The following CARMIL3 variants were observed in gnomAD, a reference collection of about 807,000 sequenced individuals.
CARMIL3 encodes the protein capping protein, Arp2/3 and myosin-I linker protein 3.
A neutral mutation model predicts 180.8 loss-of-function variants in CARMIL3; 88 were observed. The ratio of observed to expected loss-of-function variants is 0.49; its 90% CI spans 0.41 to 0.58. The LOEUF is 0.58. Among genes scored for constraint, CARMIL3 ranks in the 20% least tolerant of loss-of-function variants. The probability of loss-of-function intolerance (pLI) is 0.00; values close to 1 mark genes in which losing one functional copy is unlikely to be tolerated. For missense variants in CARMIL3, 1,548 were observed against 1,787.0 expected, an observed-to-expected ratio of 0.87 and a Z score of 2.41; for synonymous variants, 696 against 714.5, an observed-to-expected ratio of 0.97 and a Z score of 0.41.
rs1268927486 is a variant in CARMIL3, at chr14:24,054,326, A to C, written c.246+25A>C. On this transcript the variant is annotated intron_variant, in intron 4 of 39. Coordinates refer to ENST00000342740, the MANE Select transcript of CARMIL3 (RefSeq NM_138360.4). The surrounding 1 kb of genome is among the most constrained non-coding windows in gnomAD (Gnocchi z 5.1). ...GGTGAGTACCAGGGCTTTGGGCCCC[A>C]CTACTGGGCCAGCTGGAGGAGGGAG... 1.2e-6 allele frequency: 2 copies of C among 1,614,076 alleles called. No individual in the cohort carries two copies. The highest frequency in any genetic ancestry group is 4.5e-5 in the East Asian group (2 of 44,868).
At chr14:24,057,446 T>C (rs971430989) in intron 14 of CARMIL3, among the ~76,000 whole-genome samples, 11 of 152,184 alleles carry the variant, frequency 7.2e-5, no homozygotes, top group African/African-American at 2.7e-4. Flanking sequence ...TTGCTGTGCT[T>C]AAAAGCCAGC....
Position 24,060,063 on chromosome 14 carries a change from G to T in CARMIL3, c.1962G>T (p.Lys654Asn). 1 of 1,613,930 alleles carries T rather than the reference G, an allele frequency of 6.2e-7. No homozygotes were observed. The highest frequency in any genetic ancestry group is 1.6e-4 in the Middle Eastern group (1 of 6,062). Residue 654 changes from lysine (K) to asparagine (N), a missense_variant and splice_region_variant, in exon 23 of 40, where the codon AAG becomes AAT. By Grantham distance (94) the Lys-to-Asn change is moderately conservative (BLOSUM62 0). Around this residue, in one of 4 missense-constraint regions of CARMIL3, gnomAD observed 297 missense variants for 415.9 expected, o/e 0.71. Transcript: ENST00000342740. ...AGCGCACCGAGGACGTCTGGCAGAAGGTGCAGGGTGCTGTCCTAAGCAGGG... is the reference window on the plus strand; with the variant it reads ...AGCGCACCGAGGACGTCTGGCAGAATGTGCAGGGTGCTGTCCTAAGCAGGG... ...APERTEDVWQ[K>N]IQWCLVRNNH... is the part of the protein sequence containing the mutation.
Position 24,066,670 on chromosome 14 carries a change from CT to C in CARMIL3, c.3682+18del. ...CATGGCACATAGGTATGGAAAGCCTCTTTTCAGGCAGCAGTACTGAAAGCCC... is the reference window on the plus strand; with the variant it reads ...CATGGCACATAGGTATGGAAAGCCTCTTTCAGGCAGCAGTACTGAAAGCCC... On this transcript the variant is annotated intron_variant, in intron 36 of 39. Coordinates refer to ENST00000342740, the MANE Select transcript of CARMIL3 (RefSeq NM_138360.4). 1 of 1,613,054 alleles carries C rather than the reference CT, an allele frequency of 6.2e-7. No individual in the cohort carries two copies. Among genetic ancestry groups the C allele is most frequent in the African/African-American group, 1.3e-5 (1 of 75,050 alleles).
chr14:24,059,099 C>T lies in CARMIL3; in HGVS notation c.1572-36C>T. 1 of 1,586,332 alleles carries T rather than the reference C, an allele frequency of 6.3e-7. No homozygotes were observed. Among genetic ancestry groups the T allele is most frequent in the Non-Finnish European group, 8.6e-7 (1 of 1,166,480 alleles). ...CCTCCTCCAATAGCATGACCCCAGC[C>T]CTTCCCCTCCTACTCTGAGCCCCGC... is the stretch of plus-strand genomic sequence containing the variant. On this transcript the variant is annotated intron_variant, in intron 19 of 39. Coordinates refer to ENST00000342740, the MANE Select transcript of CARMIL3 (RefSeq NM_138360.4). The surrounding 1 kb of genome is among the most constrained non-coding windows in gnomAD (Gnocchi z 6.3).
Position 24,055,604 on chromosome 14 carries a change from A to C in CARMIL3, c.667A>C (p.Lys223Gln). 6.2e-7 allele frequency: 1 copy of C among 1,614,142 alleles called. No homozygotes were observed. Among genetic ancestry groups the C allele is most frequent in the South Asian group, 1.1e-5 (1 of 91,072 alleles). The part of the protein sequence containing the change: ...YNQWFTKLYC[K>Q]DLRLGSEVLE... ...CCAGTGGTTCACCAAACTCTACTGC[A>C]AGGACTTGCGGCTGGTAGGAACTGG... The change falls in exon 9 of 40, where the codon AAG becomes CAG. Residue 223 changes from lysine to glutamine, a missense_variant. Lys to Gln is a moderately conservative substitution (Grantham distance 53, BLOSUM62 1). This residue lies in a region of CARMIL3 where 578 missense variants were observed against 666.5 expected (regional missense o/e 0.87). Coordinates refer to ENST00000342740, the MANE Select transcript of CARMIL3 (RefSeq NM_138360.4).
chr14:24,060,591 C>T (rs1424827196), intron 24 of CARMIL3, 37 bp from the exon 25 acceptor site: 7 of 1,607,782 alleles, frequency 4.4e-6, no homozygotes, highest in Non-Finnish European at 5.9e-6. Flanking sequence ...GATGTGGAAG[C>T]AGGGGTCCCC....
Position 24,052,185 on chromosome 14 carries a change from A to G in CARMIL3, c.32A>G (p.Glu11Gly). 4.4e-6 allele frequency: 7 copies of G among 1,592,434 alleles called. No individual in the cohort carries two copies. Among genetic ancestry groups the G allele is most frequent in the Non-Finnish European group, 6.0e-6 (7 of 1,173,660 alleles). The stretch of plus-strand genomic sequence containing the variant: ...AAGCCCAGCGTGGAGCTCACCCGCG[A>G]GTTGCAAGGTACGAGGCTGCCTCGG... Reference protein sequence around the residue: MAKPSVELTRELQDSIRRCLS... With the variant: MAKPSVELTRGLQDSIRRCLS... Residue 11 changes from glutamate (E) to glycine (G), a missense_variant, in exon 1 of 40, where the codon GAG (glutamate) becomes GGG (glycine). By Grantham distance (98) the Glu-to-Gly change is moderately conservative (BLOSUM62 -2). Coordinates refer to ENST00000342740, the MANE Select transcript of CARMIL3 (RefSeq NM_138360.4).
chr14:24,062,778 T>G lies in CARMIL3; in HGVS notation c.2638T>G (p.Ser880Ala). The change falls in exon 29 of 40, where the codon TCC becomes GCC. Residue 880 changes from serine (S) to alanine (A), a missense_variant. Ser to Ala is a moderately conservative substitution (Grantham distance 99, BLOSUM62 1). Coordinates refer to ENST00000342740, the MANE Select transcript of CARMIL3 (RefSeq NM_138360.4). The part of the protein sequence containing the change: ...PGCPGQGQDL[S>A]SRGRGRNHDH... Reference sequence around the variant, plus strand: ...GTGCCCAGGCCAAGGGCAGGATCTGTCCTCCCGGGGCCGAGGCCGGAACCA... The same window carrying G: ...GTGCCCAGGCCAAGGGCAGGATCTGGCCTCCCGGGGCCGAGGCCGGAACCA... The G allele has an allele frequency of 1.9e-6, 3 of 1,613,898 alleles. No individual in the cohort carries two copies. Among genetic ancestry groups the G allele is most frequent in the Non-Finnish European group, 2.5e-6 (3 of 1,179,888 alleles).
chr14:24,052,345 T>G (rs1048124931), intron 1 of CARMIL3, 152 bp downstream of exon 1: 24 of 756,760 alleles, frequency 3.2e-5, no homozygotes, highest in Non-Finnish European at 4.8e-5. Flanking sequence ...AGTCCGGGCA[T>G]CGCTGTCCCC....
rs1333514158 is a variant in CARMIL3, at chr14:24,053,813, C to G, written c.135+10C>G. The G allele has an allele frequency of 8.1e-6, 13 of 1,606,498 alleles. No individual in the cohort carries two copies. Among genetic ancestry groups the G allele is most frequent in the South Asian group, 1.1e-5 (1 of 89,866 alleles). ...TGAGGACCGAGTGCTGGTGAGGGCA[C>G]TGGGCATGTGGGGAGGGAGGAGGTG... On this transcript the variant is annotated intron_variant, in intron 2 of 39. Transcript: ENST00000342740.
Position 24,069,654 on chromosome 14 carries a change from C to T in CARMIL3, c.*250C>T, listed in dbSNP as rs1161029886. ...CTGGGTGGGGGCTTATCTCCTCCCC[C>T]AGGAGGGTGGATCTCTGTCCCTCTA... On this transcript the variant is annotated 3_prime_UTR_variant, in exon 40 of 40. Coordinates refer to ENST00000342740, the MANE Select transcript of CARMIL3 (RefSeq NM_138360.4). The T allele has an allele frequency of 7.0e-6, 4 of 571,778 alleles. No individual in the cohort carries two copies. Among genetic ancestry groups the T allele is most frequent in the Non-Finnish European group, 3.1e-6 (1 of 320,540 alleles). 35.4% of individuals were successfully genotyped at this position (571,778 alleles called of 1,614,324 possible).
At position 24,059,945 on chromosome 14, in the gene CARMIL3, C is replaced by G. The variant is rs1347601802; in HGVS notation, c.1869-25C>G. The G allele has an allele frequency of 6.2e-7, 1 of 1,612,366 alleles. No individual in the cohort carries two copies. The highest frequency in any genetic ancestry group is 8.5e-7 in the Non-Finnish European group (1 of 1,178,728). ...GCCTCCCATCCTCACCTGTTCCCAC[C>G]CAGCTGTGCCCCTGTGTCCCACAGC... On this transcript the variant is annotated intron_variant, in intron 22 of 39. Transcript: ENST00000342740. This position sits in a 1 kb window ranked among gnomAD's most constrained non-coding sequence, Gnocchi z 6.3.
In CARMIL3 at chr14:24,059,223, C is replaced by T. The variant is rs768712791; in HGVS notation, c.1626+34C>T. The T allele has an allele frequency of 5.4e-5, 87 of 1,613,598 alleles. No individual in the cohort carries two copies. Among genetic ancestry groups the T allele is most frequent in the Non-Finnish European group, 6.8e-5 (80 of 1,179,938 alleles). On this transcript the variant is annotated intron_variant, in intron 20 of 39. Coordinates refer to ENST00000342740, the MANE Select transcript of CARMIL3 (RefSeq NM_138360.4). The surrounding 1 kb of genome is among the most constrained non-coding windows in gnomAD (Gnocchi z 6.3). ...CTGGGCCTGGGAGGGGACCTGCAGTCGGAGGAGGCTGTGGGGACTGGGTCC... is the reference window on the plus strand; with the variant it reads ...CTGGGCCTGGGAGGGGACCTGCAGTTGGAGGAGGCTGTGGGGACTGGGTCC...
Position 24,057,946 on chromosome 14 carries a change from G to A in CARMIL3, c.1218-14G>A. The A allele has an allele frequency of 6.2e-7, 1 of 1,613,384 alleles. No individual in the cohort carries two copies. The highest frequency in any genetic ancestry group is 1.1e-5 in the South Asian group (1 of 91,060). ...CAACCCCCTCCCTCGCTGACCCCAGGGGTCTCTCCACAGGAAGGGTCGAGA... is the reference window on the plus strand; with the variant it reads ...CAACCCCCTCCCTCGCTGACCCCAGAGGTCTCTCCACAGGAAGGGTCGAGA... On this transcript the variant is annotated splice_polypyrimidine_tract_variant and intron_variant, in intron 15 of 39. Transcript: ENST00000342740.
intron 34 of CARMIL3, among the ~76,000 whole-genome samples, chr14:24,066,049 C>T (rs2035783873): frequency 6.6e-6 from 1 of 152,164 alleles, no homozygotes; most frequent in South Asian, 2.1e-4. Context: ...CTGATTTTTA[C>T]CTGAATTATT....
chr14:24,059,745 T>C lies in CARMIL3; in HGVS notation c.1868+13T>C. Reference sequence around the variant, plus strand: ...GGGCCCTGGAGAGGTGAGTAGACCATGGTCCTGCCCTGATCCAAGTCCCCA... The same window carrying C: ...GGGCCCTGGAGAGGTGAGTAGACCACGGTCCTGCCCTGATCCAAGTCCCCA... On this transcript the variant is annotated intron_variant, in intron 22 of 39. Coordinates refer to ENST00000342740, the MANE Select transcript of CARMIL3 (RefSeq NM_138360.4). The surrounding 1 kb of genome is among the most constrained non-coding windows in gnomAD (Gnocchi z 6.3). 1.2e-6 allele frequency: 2 copies of C among 1,613,718 alleles called. No individual in the cohort carries two copies. Among genetic ancestry groups the C allele is most frequent in the South Asian group, 1.1e-5 (1 of 91,032 alleles).
In CARMIL3 at chr14:24,057,814, C is replaced by A; in HGVS notation, c.1152C>A (p.Ala384=). 2 of 1,610,182 alleles carry A rather than the reference C, an allele frequency of 1.2e-6. No individual in the cohort carries two copies. Among genetic ancestry groups the A allele is most frequent in the East Asian group, 4.5e-5 (2 of 44,814 alleles). Residue 384 remains alanine, a synonymous_variant, in exon 15 of 40, where the codon GCC becomes GCA. Transcript: ENST00000342740. Reference sequence around the variant, plus strand: ...ATCTCCCCCCACAGCTTCTCGGTGCCCTGCTCCACGGCTGCTGCTCCCACC... The same window carrying A: ...ATCTCCCCCCACAGCTTCTCGGTGCACTGCTCCACGGCTGCTGCTCCCACC... ...TDCVIDLLLG[A]LLHGCCSHLT...
At position 24,064,260 on chromosome 14, in the gene CARMIL3, G is replaced by T. The variant is rs758826535; in HGVS notation, c.2994G>T (p.Gly998=). Residue 998 remains glycine, a synonymous_variant, in exon 32 of 40, where the codon GGG becomes GGT. Transcript: ENST00000342740. ...CCTCCCAGCAGATGCCAGCACCTGG[G>T]ACTCGTCAGGAGAATGGGATGGCCA... ...GPGRPSMPAP[G]TRQENGMATR... The T allele has an allele frequency of 7.4e-6, 12 of 1,612,116 alleles. No individual in the cohort carries two copies. Among genetic ancestry groups the T allele is most frequent in the Non-Finnish European group, 1.0e-5 (12 of 1,179,232 alleles).
Position 24,059,313 on chromosome 14 carries a change from G to C in CARMIL3, c.1670G>C (p.Arg557Pro). 1 of 1,613,878 alleles carries C rather than the reference G, an allele frequency of 6.2e-7. No homozygotes were observed. The highest frequency in any genetic ancestry group is 8.5e-7 in the Non-Finnish European group (1 of 1,180,010). ...LSVADSRLKL[R>P]TSILINALGS... ...GTGGCAGACTCCCGGCTGAAGCTTC[G>C]CACCAGCATCCTCATCAATGCCCTG... The change falls in exon 21 of 40, where the codon CGC becomes CCC. Residue 557 changes from arginine (R) to proline (P), a missense_variant. By Grantham distance (103) the Arg-to-Pro change is moderately radical. Around this residue, in one of 4 missense-constraint regions of CARMIL3, gnomAD observed 297 missense variants for 415.9 expected, o/e 0.71. Transcript: ENST00000342740. This position sits in a 1 kb window ranked among gnomAD's most constrained non-coding sequence, Gnocchi z 6.3.
Sources: gnomAD v4.1 joint callset for allele counts (sites outside exome capture counted in the v4.1 genomes callset) on GRCh38, gnomAD v4.1.1 for gene constraint, gnomAD v4.1.1 regional missense constraint, Gnocchi (gnomAD v3.1) non-coding constraint, MANE v1.5 for transcripts, NCBI Gene and HGNC (gene_info 2026-07-23, HGNC 2026-07-21) for gene names.